The following ATP13A4 variants were observed in gnomAD, a reference collection of about 807,000 sequenced individuals.
The protein encoded by ATP13A4 is probable cation-transporting ATPase 13A4.
Under a neutral mutation model 142.5 loss-of-function variants are expected in ATP13A4, and 114 were observed. The observed-to-expected ratio is 0.80, with a 90% confidence interval of 0.69 to 0.93. ATP13A4 has a LOEUF of 0.93. Ranked by LOEUF, ATP13A4 falls within the 40% of genes least tolerant of loss-of-function variation. ATP13A4 has a pLI of 0.00. For missense variants in ATP13A4, 1,392 were observed against 1,454.0 expected (o/e 0.96, Z 0.69); for synonymous variants, 488 against 514.8 (o/e 0.95, Z 0.70).
At chr3:193,416,868 C>T (rs1411610304) in intron 25 of ATP13A4, 1 of 152,034 alleles carries the variant, frequency 6.6e-6, no homozygotes, top group East Asian at 1.9e-4. Context: ...CCAAGAAGTA[C>T]AAGTAATTAC....
rs116436107 is a variant in ATP13A4, at chr3:193,497,167, G to A, written c.382-4007C>T. 2.9e-3 allele frequency among the ~76,000 whole-genome samples: 444 copies of A among 152,226 alleles called. 4 individuals are homozygous for A. The highest frequency in any genetic ancestry group is 1.0e-2 in the African/African-American group (414 of 41,534). ...ATGGAAGAAAATATTTGCGAACTGT[G>A]CATCTGACAAGGGGTTAATATCCAG... is the stretch of plus-strand genomic sequence containing the variant. On this transcript the variant is annotated intron_variant, in intron 3 of 29. Transcript: ENST00000342695.
chr3:193,549,394 G>T (rs989409004), intron 1 of ATP13A4, among the ~76,000 whole-genome samples: 1 of 150,536 alleles, frequency 6.6e-6, no homozygotes, highest in Admixed American at 6.6e-5. Flanking sequence ...CATTGAAATG[G>T]TTATGTGACA....
chr3:193,515,011 G>A, intron 1 of ATP13A4, 140 bp from the exon 2 acceptor site: 4 of 854,468 alleles, frequency 4.7e-6, no homozygotes, highest in Non-Finnish European at 7.6e-6. Flanking sequence ...GAGGCATGGA[G>A]AGAGTGGAGA....
intron 1 of ATP13A4, among the ~76,000 whole-genome samples, chr3:193,541,897 G>A (rs9881349): frequency 0.13 from 19,720 of 152,208 alleles, 1,410 homozygotes; most frequent in Non-Finnish European, 0.16. Flanking sequence ...AGTGGTACCT[G>A]GGGATGTGTA....
intron 29 of ATP13A4, among the ~76,000 whole-genome samples, chr3:193,406,505 C>A (rs761292280): frequency 2.0e-5 from 3 of 152,178 alleles, no homozygotes; most frequent in Non-Finnish European, 4.4e-5. Flanking sequence ...TACCAACAGG[C>A]TTTGAAGAAT....
Position 193,551,527 on chromosome 3 carries a change from T to G in ATP13A4, c.60+3213A>C, listed in dbSNP as rs183010330. On this transcript the variant is annotated intron_variant, in intron 1 of 29. Transcript: ENST00000342695. The stretch of plus-strand genomic sequence containing the variant: ...TGGTTAATTGCTAAGCCCTTGGCTT[T>G]TCCTACCTTTATTTAGATGATAGCA... 4.6e-3 allele frequency among the ~76,000 whole-genome samples: 708 copies of G among 152,342 alleles called. 10 individuals are homozygous for G. The highest frequency in any genetic ancestry group is 0.016 in the African/African-American group (680 of 41,584).
intron 2 of ATP13A4, among the ~76,000 whole-genome samples, chr3:193,578,640 C>T (rs993161933): frequency 6.6e-6 from 1 of 152,034 alleles, no homozygotes; most frequent in Non-Finnish European, 1.5e-5. Flanking sequence ...TTGCCCTCAC[C>T]CAGTGTGGGC....
chr3:193,439,996 G>C (rs1205895279), intron 21 of ATP13A4: 1 of 154,762 alleles, frequency 6.5e-6, no homozygotes, highest in Non-Finnish European at 1.4e-5. Context: ...GGAAACAAAG[G>C]GTCCTAAGCG....
At position 193,446,705 on chromosome 3, in the gene ATP13A4, A is replaced by G. The variant is rs55740536; in HGVS notation, c.2152+1501T>C. 5.9e-3 allele frequency among the ~76,000 whole-genome samples: 902 copies of G among 152,282 alleles called. 3 individuals are homozygous for G. Among genetic ancestry groups the G allele is most frequent in the Non-Finnish European group, 8.6e-3 (582 of 68,030 alleles). On this transcript the variant is annotated intron_variant, in intron 18 of 29. Coordinates refer to ENST00000342695, the MANE Select transcript of ATP13A4 (RefSeq NM_032279.4). ...CAAAAAATGGTAAAAAATAAAAATAAAAATTTTTCTAAAAGCGCTGTCCAT... is the reference window on the plus strand; with the variant it reads ...CAAAAAATGGTAAAAAATAAAAATAGAAATTTTTCTAAAAGCGCTGTCCAT...
chr3:193,459,084 G>A lies in ATP13A4; in HGVS notation c.1671C>T (p.Thr557=). Residue 557 remains threonine, a synonymous_variant, in exon 14 of 30, where the codon ACC becomes ACT. Transcript: ENST00000342695. ...PLDLKMFEAT[T]WEMAFSGDDF... is the part of the protein sequence containing the mutation. ...TCTCTGAAGAGCAGAGGCTTACCCA[G>A]GTGGTGGCTTCAAACATTTTGAGGT... 6.2e-7 allele frequency: 1 copy of A among 1,614,222 alleles called. No individual in the cohort carries two copies. Among genetic ancestry groups the A allele is most frequent in the Non-Finnish European group, 8.5e-7 (1 of 1,180,034 alleles).
intron 3 of ATP13A4, among the ~76,000 whole-genome samples, chr3:193,497,003 T>C (rs1720275183): frequency 6.6e-6 from 1 of 152,100 alleles, no homozygotes; most frequent in South Asian, 2.1e-4. Context: ...ATGACATTGG[T>C]CTGGGCAAGG....
intron 3 of ATP13A4, among the ~76,000 whole-genome samples, chr3:193,495,984 T>A (rs1431983457): frequency 6.6e-6 from 1 of 152,026 alleles, no homozygotes; most frequent in Non-Finnish European, 1.5e-5. Context: ...TACAAAAAAA[T>A]AATAAAATAC....
chr3:193,569,009 G>A (rs1230327612), intron 2 of ATP13A4, among the ~76,000 whole-genome samples: 1 of 152,170 alleles, frequency 6.6e-6, no homozygotes, highest in African/African-American at 2.4e-5. Flanking sequence ...TGCTAACTGT[G>A]GGCTATTCAT....
chr3:193,432,747 A>G (rs1560182594), intron 25 of ATP13A4, among the ~76,000 whole-genome samples: 1 of 152,074 alleles, frequency 6.6e-6, no homozygotes, highest in Non-Finnish European at 1.5e-5. Flanking sequence ...ATAAAAGAAA[A>G]GAAAAGAAAA....
chr3:193,503,730 C>T (rs901397344), intron 2 of ATP13A4, among the ~76,000 whole-genome samples: 5 of 152,136 alleles, frequency 3.3e-5, no homozygotes, highest in African/African-American at 1.2e-4. Context: ...GCTTCCTTAG[C>T]CTGTAGTACA....
intron 25 of ATP13A4, among the ~76,000 whole-genome samples, chr3:193,417,278 G>T (rs1715114284): frequency 6.6e-6 from 1 of 152,146 alleles, no homozygotes; most frequent in South Asian, 2.1e-4. Context: ...CACTTACGTA[G>T]AAATAATGAT....
intron 23 of ATP13A4, among the ~76,000 whole-genome samples, chr3:193,437,744 A>G (rs1372749833): frequency 6.6e-6 from 1 of 152,100 alleles, no homozygotes; most frequent in African/African-American, 2.4e-5. Context: ...ATTCAAATAT[A>G]ATGGAGCAGA....
intron 8 of ATP13A4, among the ~76,000 whole-genome samples, chr3:193,474,351 A>AC (rs1718811565): frequency 6.7e-6 from 1 of 149,252 alleles, no homozygotes; most frequent in African/African-American, 2.5e-5. Flanking sequence ...AAAAAAACAA[A>AC]CAAAAAAGAA....
At chr3:193,450,918 A>G (rs1235864243) in intron 17 of ATP13A4, among the ~76,000 whole-genome samples, 2 of 152,166 alleles carry the variant, frequency 1.3e-5, no homozygotes, top group African/African-American at 2.4e-5. Context: ...TACAAACTGC[A>G]TGATGTTTGC....
Sources: gnomAD v4.1 joint callset for allele counts (sites outside exome capture counted in the v4.1 genomes callset) on GRCh38, gnomAD v4.1.1 for gene constraint, MANE v1.5 for transcripts, NCBI Gene and HGNC (gene_info 2026-07-23, HGNC 2026-07-21) for gene names.